CHST9: variants seen among roughly 807,000 people sequenced by gnomAD.
CHST9 encodes GalNAc-4-sulfotransferase 2.
A neutral mutation model predicts 44.4 loss-of-function variants in CHST9; 41 were observed. That is an observed-to-expected ratio of 0.92 (90% CI 0.72 to 1.20). The LOEUF is 1.20. Among genes scored for constraint, CHST9 ranks in the 50% most tolerant of loss-of-function variants. CHST9 has a pLI of 0.00. For synonymous variants in CHST9, 171 were observed against 178.4 expected (o/e 0.96, Z 0.33); for missense variants, 504 against 516.5 (o/e 0.98, Z 0.23).
At chr18:27,121,838 A>G (rs998680113) in intron 2 of CHST9, among the ~76,000 whole-genome samples, 2 of 152,240 alleles carry the variant, frequency 1.3e-5, no homozygotes, top group Non-Finnish European at 2.9e-5. Flanking sequence ...CATCAAATGA[A>G]TACATCTAGG....
intron 4 of CHST9, among the ~76,000 whole-genome samples, chr18:26,975,723 G>GTATATA (rs1180630852): frequency 4.4e-4 from 26 of 59,336 alleles, no homozygotes; most frequent in Admixed American, 5.1e-4. Context: ...GTGTGTGTGT[G>GTATATA]TGTATATATA....
chr18:27,034,954 T>G (rs890564214), intron 3 of CHST9, among the ~76,000 whole-genome samples: 1 of 152,222 alleles, frequency 6.6e-6, no homozygotes, highest in African/African-American at 2.4e-5. Flanking sequence ...TATTTAAAAT[T>G]AGAGAAAAAT....
intron 4 of CHST9, among the ~76,000 whole-genome samples, chr18:26,975,649 G>GTATATATA (rs36030325): frequency 0.011 from 1,374 of 126,878 alleles, 25 homozygotes; most frequent in Non-Finnish European, 0.015. Context: ...ATGTATGTGT[G>GTATATATA]TATATATATA....
chr18:27,141,155 G>A (rs904881965), intron 2 of CHST9, among the ~76,000 whole-genome samples: 4 of 152,090 alleles, frequency 2.6e-5, no homozygotes, highest in African/African-American at 9.7e-5. Context: ...TCAGGAGATC[G>A]AGACCATCCT....
intron 3 of CHST9, among the ~76,000 whole-genome samples, chr18:27,047,432 G>T (rs1405347971): frequency 7.0e-6 from 1 of 143,104 alleles, no homozygotes; most frequent in East Asian, 2.0e-4. Flanking sequence ...TCATGATCAG[G>T]CTTTAAAAGG....
chr18:27,091,919 T>C (rs187184242), intron 2 of CHST9, among the ~76,000 whole-genome samples: 1 of 152,218 alleles, frequency 6.6e-6, no homozygotes, highest in Admixed American at 6.5e-5. Context: ...TTTTTTGTTG[T>C]GTCTCTGCCA....
At position 27,112,330 on chromosome 18, in the gene CHST9, A is replaced by T. The variant is rs1389588269; in HGVS notation, c.121+30359T>A. Among the ~76,000 whole-genome samples, 3 of 151,488 alleles carry T rather than the reference A, an allele frequency of 2.0e-5. No homozygotes were observed. In the East Asian group the frequency reaches 5.8e-4, roughly 29 times the overall value. On this transcript the variant is annotated intron_variant, in intron 2 of 5. Transcript: ENST00000618847. The stretch of plus-strand genomic sequence containing the variant: ...TTTGGATTGTGGAATATCTGCATAT[A>T]CATAATTAAATATCTTAGGGATGGG...
At chr18:27,104,346 G>A (rs2058202102) in intron 2 of CHST9, among the ~76,000 whole-genome samples, 1 of 152,208 alleles carries the variant, frequency 6.6e-6, no homozygotes, top group African/African-American at 2.4e-5. Flanking sequence ...TTTCTGTGCT[G>A]TGCTAACTTC....
chr18:27,104,213 C>T (rs1322798396), intron 2 of CHST9, among the ~76,000 whole-genome samples: 1 of 149,800 alleles, frequency 6.7e-6, no homozygotes. Flanking sequence ...TCCTTCCAAG[C>T]TTATCTTATA....
At chr18:27,047,641 T>C (rs1225261560) in intron 3 of CHST9, among the ~76,000 whole-genome samples, 1 of 137,926 alleles carries the variant, frequency 7.3e-6, no homozygotes, top group Non-Finnish European at 1.7e-5. Context: ...AATATCTTAT[T>C]ACCAGACAGG....
intron 1 of CHST9, among the ~76,000 whole-genome samples, chr18:27,152,049 G>A (rs2058663655): frequency 6.6e-6 from 1 of 152,190 alleles, no homozygotes; most frequent in Non-Finnish European, 1.5e-5. Flanking sequence ...CTCAGATGCA[G>A]TGTTTCATGG....
chr18:27,167,569 T>C (rs76554760), intron 1 of CHST9, among the ~76,000 whole-genome samples: 5,428 of 152,288 alleles, frequency 0.036, 145 homozygotes, highest in Middle Eastern at 0.092. Context: ...ATCAAATATA[T>C]TTTCAGGACC....
intron 2 of CHST9, among the ~76,000 whole-genome samples, chr18:27,089,823 T>TC (rs1173316588): frequency 2.0e-5 from 3 of 150,506 alleles, no homozygotes; most frequent in Non-Finnish European, 4.4e-5. Context: ...TTTTTTTTTT[T>TC]TTTTTGAGAC....
chr18:26,957,271 C>G (rs552536552), intron 4 of CHST9, among the ~76,000 whole-genome samples: 84 of 152,236 alleles, frequency 5.5e-4, no homozygotes, highest in African/African-American at 2.0e-3. Flanking sequence ...TGCTCTCTCA[C>G]CAAGCCTATA....
At chr18:26,965,670 G>A (rs1327119680) in intron 4 of CHST9, among the ~76,000 whole-genome samples, 4 of 152,220 alleles carry the variant, frequency 2.6e-5, no homozygotes, top group Non-Finnish European at 5.9e-5. Flanking sequence ...AATGAATAAT[G>A]TGTGCCATGT....
At chr18:27,088,090 T>A (rs1272915193) in intron 2 of CHST9, among the ~76,000 whole-genome samples, 1 of 152,210 alleles carries the variant, frequency 6.6e-6, no homozygotes, top group Non-Finnish European at 1.5e-5. Context: ...ATATTAGTGA[T>A]AATTATCCCA....
intron 2 of CHST9, among the ~76,000 whole-genome samples, chr18:27,120,726 C>T (rs1203673761): frequency 6.6e-6 from 1 of 152,154 alleles, no homozygotes; most frequent in Non-Finnish European, 1.5e-5. Context: ...CTTAATGGTA[C>T]CTATCTCACA....
chr18:26,985,718 G>A (rs1225451578), intron 4 of CHST9, among the ~76,000 whole-genome samples: 1 of 152,190 alleles, frequency 6.6e-6, no homozygotes, highest in Non-Finnish European at 1.5e-5. Context: ...ATGTCATAAT[G>A]ACCCAAGGCA....
chr18:27,142,750 A>G lies in CHST9; in HGVS notation c.60T>C (p.Phe20=). Residue 20 remains phenylalanine (F), a synonymous_variant, in exon 2 of 6, where the codon TTT becomes TTC. Transcript: ENST00000618847. The part of the protein sequence containing the change: ...PKQVFLSVLI[F]GVAGLLLFMY... ...TGAAGAGGAGTAGCCCAGCTACTCC[A>G]AATATCAGCACAGAGAGGAAGACTT... 1.2e-6 allele frequency: 2 copies of G among 1,611,874 alleles called. No individual in the cohort carries two copies. The highest frequency in any genetic ancestry group is 1.7e-6 in the Non-Finnish European group (2 of 1,178,508).
Sources: allele counts gnomAD v4.1 joint callset (sites outside exome capture counted in the v4.1 genomes callset), GRCh38; gene constraint gnomAD v4.1.1; transcripts MANE v1.5; gene names NCBI Gene and HGNC (gene_info 2026-07-23, HGNC 2026-07-21).